SRPX: variants seen among roughly 807,000 people sequenced by gnomAD.
SRPX encodes sushi repeat containing protein X-linked.
Under a neutral mutation model 38.1 loss-of-function variants are expected in SRPX, and 24 were observed. The observed-to-expected ratio is 0.63, with a 90% CI of 0.46 to 0.89. SRPX has a LOEUF of 0.89. Ranked by LOEUF, SRPX falls within the 40% of genes least tolerant of loss-of-function variation. The pLI, the probability that SRPX is intolerant of heterozygous loss-of-function variation, is 0.00. For missense variants in SRPX, 416 were observed against 377.8 expected, an observed-to-expected ratio of 1.10 and a Z score of -0.84; for synonymous variants, 184 against 153.8, an observed-to-expected ratio of 1.20 and a Z score of -1.45.
intron 1 of SRPX, among the ~76,000 whole-genome samples, chrX:38,185,157 T>G (rs1315626586): frequency 4.5e-5 from 5 of 111,853 alleles, no homozygotes; most frequent in African/African-American, 1.6e-4. Context: ...CAGTATATGA[T>G]TTGGAATTGG....
chrX:38,167,488 TG>T (rs1404736816), intron 4 of SRPX, among the ~76,000 whole-genome samples: 4 of 111,562 alleles, frequency 3.6e-5, no homozygotes, highest in African/African-American at 1.3e-4. Flanking sequence ...TACCCAGACT[TG>T]GCCCCGATAG....
chrX:38,199,316 G>A (rs1334657183), intron 1 of SRPX, among the ~76,000 whole-genome samples: 3 of 111,924 alleles, frequency 2.7e-5, no homozygotes, highest in Non-Finnish European at 5.6e-5. Context: ...TGAGGCAGGA[G>A]AATGGCGTGA....
chrX:38,150,308 C>T (rs1937989331), intron 9 of SRPX, among the ~76,000 whole-genome samples: 1 of 111,927 alleles, frequency 8.9e-6, no homozygotes, highest in Admixed American at 9.5e-5. Context: ...GGAATCAATC[C>T]AAGTTTGGAA....
intron 1 of SRPX, among the ~76,000 whole-genome samples, chrX:38,196,164 G>GTTGGT (rs748562518): frequency 2.7e-5 from 3 of 112,092 alleles, no homozygotes; most frequent in Non-Finnish European, 3.8e-5. Flanking sequence ...TGGAATCAGC[G>GTTGGT]TTGGTTCAAA....
intron 1 of SRPX, among the ~76,000 whole-genome samples, chrX:38,209,832 C>A (rs1254963727): frequency 8.9e-6 from 1 of 112,249 alleles, no homozygotes; most frequent in South Asian, 3.7e-4. Context: ...AAAAAAACTT[C>A]CTTTAACCAA....
chrX:38,203,216 C>T (rs886344658), intron 1 of SRPX, among the ~76,000 whole-genome samples: 4 of 110,080 alleles, frequency 3.6e-5, no homozygotes, highest in African/African-American at 9.9e-5. Context: ...AGGAATTTAA[C>T]GAAATTTAAC....
intron 1 of SRPX, among the ~76,000 whole-genome samples, chrX:38,179,165 C>T (rs1470451805): frequency 9.0e-6 from 1 of 110,627 alleles, no homozygotes; most frequent in East Asian, 2.8e-4. Context: ...AGGCTGGTCG[C>T]GAACTCCCGA....
intron 1 of SRPX, among the ~76,000 whole-genome samples, chrX:38,201,599 A>C (rs1939112511): frequency 9.0e-6 from 1 of 111,671 alleles, no homozygotes; most frequent in African/African-American, 3.3e-5. Flanking sequence ...TGGGAGGCCG[A>C]GGTGGGCAGA....
rs928736874 is a variant in SRPX at position 38,154,471 on chromosome X, A to G, written c.1202T>C (p.Leu401Pro). 3 of 1,202,632 alleles carry G rather than the reference A, an allele frequency of 2.5e-6. No individual in the cohort carries two copies. Among genetic ancestry groups the G allele is most frequent in the Non-Finnish European group, 3.4e-6 (3 of 891,556 alleles). Residue 401 changes from leucine (L) to proline (P), a missense_variant, in exon 9 of 10, where the codon CTG becomes CCG. Coordinates refer to ENST00000378533, the MANE Select transcript of SRPX (RefSeq NM_006307.5). The part of the protein sequence containing the change: ...GAKIMPPALA[L>P]QLRLLLRIPL... Reference sequence around the variant, plus strand: ...CAGAACTTCCCCCTACCTGAGCTGCAGCGCTAGGGCTGGAGGCATAATCTT... The same window carrying G: ...CAGAACTTCCCCCTACCTGAGCTGCGGCGCTAGGGCTGGAGGCATAATCTT...
chrX:38,178,447 G>C, intron 1 of SRPX, 103 bp from the exon 2 acceptor site: 2 of 656,382 alleles, frequency 3.0e-6, no homozygotes, highest in South Asian at 6.3e-5. Context: ...GGTGCTATTA[G>C]AATGCAGAGC....
At chrX:38,150,226 C>T (rs1000579637) in intron 9 of SRPX, among the ~76,000 whole-genome samples, 7 of 112,275 alleles carry the variant, frequency 6.2e-5, no homozygotes, top group Non-Finnish European at 1.3e-4. Flanking sequence ...AGACTTCAGG[C>T]GTACAATGGT....
intron 4 of SRPX, among the ~76,000 whole-genome samples, chrX:38,170,478 T>C (rs1938446386): frequency 8.9e-6 from 1 of 112,043 alleles, no homozygotes; most frequent in Non-Finnish European, 1.9e-5. Context: ...AAGAAAGAAT[T>C]GCCTGCTTGC....
At chrX:38,158,315 C>A (rs1329784643) in intron 7 of SRPX, among the ~76,000 whole-genome samples, 1 of 112,133 alleles carries the variant, frequency 8.9e-6, no homozygotes, top group African/African-American at 3.2e-5. Flanking sequence ...TCCAGCTGTT[C>A]AAGGTCAATG....
intron 1 of SRPX, among the ~76,000 whole-genome samples, chrX:38,210,294 T>C (rs1013461034): frequency 6.2e-5 from 7 of 112,095 alleles, no homozygotes; most frequent in African/African-American, 2.3e-4. Context: ...TGAGATTCTG[T>C]GGTCCTCACT....
chrX:38,182,526 C>T (rs1176564501), intron 1 of SRPX, among the ~76,000 whole-genome samples: 1 of 111,722 alleles, frequency 9.0e-6, no homozygotes, highest in African/African-American at 3.3e-5. Flanking sequence ...CCTCCCCAAA[C>T]GATGAACCAT....
At chrX:38,214,147 T>C (rs1939386252) in intron 1 of SRPX, among the ~76,000 whole-genome samples, 1 of 111,815 alleles carries the variant, frequency 8.9e-6, no homozygotes, top group Non-Finnish European at 1.9e-5. Flanking sequence ...AAAGGAATTC[T>C]ATAGCCACTA....
rs145370296 is a variant in SRPX at position 38,154,473 on chromosome X, C to T, written c.1200G>A (p.Ala400=). The T allele has an allele frequency of 1.6e-3, 1,913 of 1,202,647 alleles. 1 individual carries two copies. Among genetic ancestry groups the T allele is most frequent in the Non-Finnish European group, 2.0e-3 (1,750 of 891,498 alleles). ...IGAKIMPPAL[A]LQLRLLLRIP... is the part of the protein sequence containing the mutation. ...GAACTTCCCCCTACCTGAGCTGCAG[C>T]GCTAGGGCTGGAGGCATAATCTTTG... The change falls in exon 9 of 10, where the codon GCG becomes GCA. Residue 400 remains alanine, a synonymous_variant. Transcript: ENST00000378533.
At chrX:38,174,391 T>C in intron 2 of SRPX, 40 bp from the exon 3 acceptor site, 5 of 975,070 alleles carry the variant, frequency 5.1e-6, no homozygotes, top group Non-Finnish European at 6.6e-6. Context: ...AAATATGAAA[T>C]GACACTTTCA....
At chrX:38,220,217 G>C (rs1266279499) in intron 1 of SRPX, among the ~76,000 whole-genome samples, 2 of 113,734 alleles carry the variant, frequency 1.8e-5, no homozygotes, top group Non-Finnish European at 3.7e-5. Context: ...TTCCACAAAA[G>C]TCGCTTTACC....
Sources: gnomAD v4.1 joint callset for allele counts (sites outside exome capture counted in the v4.1 genomes callset) on GRCh38, gnomAD v4.1.1 for gene constraint, MANE v1.5 for transcripts, NCBI Gene and HGNC (gene_info 2026-07-23, HGNC 2026-07-21) for gene names.